The following GRID2 variants were observed in gnomAD, a reference collection of about 807,000 sequenced individuals.
GRID2 encodes glutamate receptor ionotropic, delta-2.
GRID2 carries 33 observed loss-of-function variants against 114.8 expected under a neutral mutation model. That is an observed-to-expected ratio of 0.29 (90% confidence interval 0.22 to 0.38). The LOEUF (loss-of-function observed/expected upper bound fraction) is 0.38, where lower values mean the gene tolerates loss of function less well. GRID2 is among the 10% of genes least tolerant of loss of function. The pLI, the probability that GRID2 is intolerant of heterozygous loss-of-function variation, is 1.00. For synonymous variants in GRID2, 505 were observed against 449.9 expected (o/e 1.12, Z -1.55); for missense variants, 1,184 against 1,257.7 (o/e 0.94, Z 0.89).
At chr4:93,632,802 T>G (rs1721048750) in intron 14 of GRID2, among the ~76,000 whole-genome samples, 1 of 150,994 alleles carries the variant, frequency 6.6e-6, no homozygotes, top group Admixed American at 6.6e-5. Context: ...ATAAATTACC[T>G]TGGGCAGTAT....
chr4:93,320,551 A>C (rs1757102858), intron 8 of GRID2, among the ~76,000 whole-genome samples: 1 of 152,074 alleles, frequency 6.6e-6, no homozygotes, highest in African/African-American at 2.4e-5. Context: ...GAGGTCCACT[A>C]GTGGGAATTC....
At chr4:93,606,451 A>G (rs902247540) in intron 13 of GRID2, among the ~76,000 whole-genome samples, 19 of 152,352 alleles carry the variant, frequency 1.2e-4, no homozygotes, top group African/African-American at 3.8e-4. Flanking sequence ...TAGAGATAAA[A>G]TTGATTTCTG....
chr4:93,614,865 A>G (rs1023120241), intron 13 of GRID2, among the ~76,000 whole-genome samples: 2 of 152,242 alleles, frequency 1.3e-5, no homozygotes, highest in African/African-American at 4.8e-5. Flanking sequence ...ATTAAATAAC[A>G]ACAGCAATAA....
chr4:92,438,618 T>C (rs1420386008), intron 1 of GRID2, among the ~76,000 whole-genome samples: 3 of 151,476 alleles, frequency 2.0e-5, no homozygotes, highest in Non-Finnish European at 4.4e-5. Flanking sequence ...GTTTCTATAC[T>C]AGTATTTTAG....
chr4:93,587,338 C>T (rs773893566), intron 13 of GRID2, among the ~76,000 whole-genome samples: 24 of 152,142 alleles, frequency 1.6e-4, no homozygotes, highest in Non-Finnish European at 2.6e-4. Flanking sequence ...AATCTAGCAA[C>T]GTATTTGATA....
chr4:92,902,805 C>T (rs1747675921), intron 2 of GRID2, among the ~76,000 whole-genome samples: 1 of 151,762 alleles, frequency 6.6e-6, no homozygotes, highest in Non-Finnish European at 1.5e-5. Flanking sequence ...GACTGTAGGT[C>T]TATGGCTTCA....
At chr4:93,660,130 A>G (rs979558835) in intron 14 of GRID2, among the ~76,000 whole-genome samples, 1 of 152,180 alleles carries the variant, frequency 6.6e-6, no homozygotes, top group Non-Finnish European at 1.5e-5. Context: ...AATTATTTCT[A>G]ACAAAGAATA....
At chr4:93,090,993 G>A (rs548645942) in intron 3 of GRID2, among the ~76,000 whole-genome samples, 1 of 152,024 alleles carries the variant, frequency 6.6e-6, no homozygotes, top group Non-Finnish European at 1.5e-5. Flanking sequence ...CTACTCCAGG[G>A]GTCAGCAAAC....
chr4:93,164,884 T>G (rs556858400), intron 4 of GRID2: 59 of 264,936 alleles, frequency 2.2e-4, no homozygotes, highest in South Asian at 1.9e-3. Flanking sequence ...TATTGACGTG[T>G]TAAGGAAAAT....
chr4:93,476,806 A>G (rs1725363954), intron 11 of GRID2, among the ~76,000 whole-genome samples: 1 of 152,156 alleles, frequency 6.6e-6, no homozygotes, highest in Non-Finnish European at 1.5e-5. Flanking sequence ...TGAAACTTAT[A>G]TCAATGTTCT....
At chr4:92,676,742 A>G (rs1344239824) in intron 2 of GRID2, among the ~76,000 whole-genome samples, 2 of 152,118 alleles carry the variant, frequency 1.3e-5, no homozygotes, top group African/African-American at 2.4e-5. Context: ...AAAAAAAAGT[A>G]CCATGTGATT....
intron 8 of GRID2, among the ~76,000 whole-genome samples, chr4:93,266,696 A>G (rs1750870616): frequency 6.6e-6 from 1 of 152,104 alleles, no homozygotes; most frequent in Non-Finnish European, 1.5e-5. Flanking sequence ...TTACAGGTGT[A>G]TTATCAACTG....
chr4:92,813,563 A>T (rs926748869), intron 2 of GRID2, among the ~76,000 whole-genome samples: 1 of 152,158 alleles, frequency 6.6e-6, no homozygotes, highest in Admixed American at 6.6e-5. Context: ...GGCATCTCTG[A>T]CAAATTATTT....
rs534119893 is a variant in GRID2, at chr4:93,424,615, T to C, written c.1545+1647T>C. Among the ~76,000 whole-genome samples the C allele has an allele frequency of 1.0e-3, 154 of 152,270 alleles. 1 individual carries two copies. The highest frequency in any genetic ancestry group is 3.6e-3 in the African/African-American group (151 of 41,570). Reference sequence around the variant, plus strand: ...TGTTAGTGGCCATTCTACAAGTTTCTCTTCATTTTTTGGTGTTTAGAAATT... The same window carrying C: ...TGTTAGTGGCCATTCTACAAGTTTCCCTTCATTTTTTGGTGTTTAGAAATT... On this transcript the variant is annotated intron_variant, in intron 10 of 15. Transcript: ENST00000282020.
At chr4:92,876,985 C>T (rs970292861) in intron 2 of GRID2, among the ~76,000 whole-genome samples, 1 of 152,166 alleles carries the variant, frequency 6.6e-6, no homozygotes, top group Non-Finnish European at 1.5e-5. Flanking sequence ...TAAAGGAGAA[C>T]ATGTTACTTC....
At chr4:92,504,168 T>A (rs1723832289) in intron 1 of GRID2, among the ~76,000 whole-genome samples, 1 of 152,022 alleles carries the variant, frequency 6.6e-6, no homozygotes, top group African/African-American at 2.4e-5. Flanking sequence ...GATGAATGAG[T>A]AAAATTTCCA....
At chr4:92,367,326 A>G (rs1008708139) in intron 1 of GRID2, among the ~76,000 whole-genome samples, 1 of 152,122 alleles carries the variant, frequency 6.6e-6, no homozygotes, top group Non-Finnish European at 1.5e-5. Context: ...GTGCATGTAC[A>G]TCAATAAAAT....
chr4:92,991,538 C>T (rs1023525177), intron 2 of GRID2, among the ~76,000 whole-genome samples: 1 of 152,094 alleles, frequency 6.6e-6, no homozygotes, highest in Non-Finnish European at 1.5e-5. Context: ...GAATGTGAAT[C>T]GAATGTCTCA....
chr4:92,449,710 T>TATATAAAA (rs1266661271), intron 1 of GRID2, among the ~76,000 whole-genome samples: 3 of 131,720 alleles, frequency 2.3e-5, no homozygotes, highest in African/African-American at 8.7e-5. Context: ...TATATATATA[T>TATATAAAA]AACACTTAAG....
Sources: gnomAD v4.1 joint callset for allele counts (sites outside exome capture counted in the v4.1 genomes callset) on GRCh38, gnomAD v4.1.1 for gene constraint, MANE v1.5 for transcripts, NCBI Gene and HGNC (gene_info 2026-07-23, HGNC 2026-07-21) for gene names.